The following PCP4 variants were observed in gnomAD, a reference collection of about 807,000 sequenced individuals.
PCP4 encodes calmodulin regulator protein PCP4.
Under a neutral mutation model 10.0 loss-of-function variants are expected in PCP4, and 8 were observed. That is an observed-to-expected ratio of 0.80 (90% CI 0.47 to 1.45). The LOEUF is 1.45. Ranked by LOEUF, PCP4 falls within the 40% of genes most tolerant of loss-of-function variation. The probability of loss-of-function intolerance (pLI) is 0.00; values close to 1 mark genes in which losing one functional copy is unlikely to be tolerated. For synonymous variants in PCP4, 21 were observed against 23.0 expected (o/e 0.91, Z 0.24); for missense variants, 54 against 74.4 (o/e 0.73, Z 1.01).
intron 1 of PCP4, chr21:39,883,683 C>G (rs2087386578): frequency 6.6e-6 from 1 of 152,114 alleles, no homozygotes; most frequent in Non-Finnish European, 1.5e-5. Context: ...GAAAAAGAAA[C>G]TGGTCAAATA....
chr21:39,905,756 TA>T (rs2087504138), intron 2 of PCP4, among the ~76,000 whole-genome samples: 2 of 152,066 alleles, frequency 1.3e-5, no homozygotes, highest in Admixed American at 6.6e-5. Flanking sequence ...TTGCATAGTT[TA>T]AAAAAATGTG....
chr21:39,897,703 T>C (rs190098144), intron 1 of PCP4, among the ~76,000 whole-genome samples: 7 of 152,154 alleles, frequency 4.6e-5, no homozygotes, highest in Non-Finnish European at 8.8e-5. Context: ...AAATAGTTTA[T>C]AAGTAGGAGG....
chr21:39,901,900 G>A (rs1434063109), intron 2 of PCP4, among the ~76,000 whole-genome samples: 1 of 152,092 alleles, frequency 6.6e-6, no homozygotes, highest in African/African-American at 2.4e-5. Context: ...AACTGGAACA[G>A]CCCAAGAAAG....
chr21:39,885,253 C>A (rs1416963810), intron 1 of PCP4, among the ~76,000 whole-genome samples: 7 of 152,190 alleles, frequency 4.6e-5, no homozygotes, highest in African/African-American at 1.2e-4. Context: ...CAAGCGCCAC[C>A]TGCTCCTGCT....
chr21:39,886,580 G>A (rs2276520), intron 1 of PCP4, among the ~76,000 whole-genome samples: 32,548 of 152,014 alleles, frequency 0.21, 3,937 homozygotes, highest in African/African-American at 0.32. Flanking sequence ...ACTCCAGCCT[G>A]GGCAACAAAA....
In PCP4 at chr21:39,925,123, C is replaced by T. The variant is rs150205366; in HGVS notation, c.62-3861C>T. On this transcript the variant is annotated intron_variant, in intron 2 of 2. Transcript: ENST00000328619. The stretch of plus-strand genomic sequence containing the variant: ...CCCATGAAACAGCAGTGCTCCCTGA[C>T]GTCATTCTCAGGTGCCAGGTTTCCC... Among the ~76,000 whole-genome samples, 334 of 152,306 alleles carry T rather than the reference C, an allele frequency of 2.2e-3. 1 individual carries two copies. The highest frequency in any genetic ancestry group is 7.4e-3 in the African/African-American group (309 of 41,564).
intron 1 of PCP4, among the ~76,000 whole-genome samples, chr21:39,872,338 T>C (rs2087324648): frequency 6.6e-6 from 1 of 152,184 alleles, no homozygotes; most frequent in African/African-American, 2.4e-5. Flanking sequence ...CTCTCAGTGT[T>C]TCATTAGAGA....
chr21:39,890,390 T>C (rs1018882595), intron 1 of PCP4, among the ~76,000 whole-genome samples: 1 of 152,126 alleles, frequency 6.6e-6, no homozygotes, highest in Non-Finnish European at 1.5e-5. Flanking sequence ...AGCCTCACTC[T>C]TGTTGCCCAG....
intron 1 of PCP4, among the ~76,000 whole-genome samples, chr21:39,897,554 G>A (rs1398183442): frequency 1.3e-5 from 2 of 152,090 alleles, no homozygotes; most frequent in African/African-American, 2.4e-5. Context: ...TACATGTGTG[G>A]TGCATTTCAC....
intron 2 of PCP4, among the ~76,000 whole-genome samples, chr21:39,902,314 T>G (rs958426885): frequency 2.0e-5 from 3 of 152,226 alleles, no homozygotes; most frequent in Admixed American, 1.3e-4. Context: ...GTAAATTTAG[T>G]TGAGGTCTCC....
In PCP4 at chr21:39,923,897, T is replaced by C. The variant is rs572688793; in HGVS notation, c.62-5087T>C. Among the ~76,000 whole-genome samples the C allele has an allele frequency of 6.4e-4, 98 of 152,352 alleles. 1 individual carries two copies. The highest frequency in any genetic ancestry group is 1.5e-3 in the African/African-American group (64 of 41,586). On this transcript the variant is annotated intron_variant, in intron 2 of 2. Coordinates refer to ENST00000328619, the MANE Select transcript of PCP4 (RefSeq NM_006198.3). ...AGCTAAGGAGAATGTCCTTTTGTAT[T>C]GTCTAAGCTTTACAGTGACATGACT...
At chr21:39,908,079 A>C (rs1601184430) in intron 2 of PCP4, among the ~76,000 whole-genome samples, 2 of 152,194 alleles carry the variant, frequency 1.3e-5, no homozygotes, top group African/African-American at 4.8e-5. Flanking sequence ...CAAAGTGGGA[A>C]TGATTTTTGT....
intron 1 of PCP4, among the ~76,000 whole-genome samples, chr21:39,895,416 A>G (rs1707617324): frequency 6.6e-6 from 1 of 152,246 alleles, no homozygotes; most frequent in Non-Finnish European, 1.5e-5. Context: ...GTGTTAATGA[A>G]GTCACATTTA....
intron 1 of PCP4, among the ~76,000 whole-genome samples, chr21:39,894,887 A>G (rs911674239): frequency 6.6e-6 from 1 of 152,314 alleles, no homozygotes; most frequent in East Asian, 1.9e-4. Context: ...GAGAAAAGGC[A>G]GCCTCTTCCC....
At chr21:39,895,500 C>G (rs1182701536) in intron 1 of PCP4, among the ~76,000 whole-genome samples, 1 of 152,236 alleles carries the variant, frequency 6.6e-6, no homozygotes, top group Non-Finnish European at 1.5e-5. Context: ...ATGCTGCACA[C>G]AGTACTGAGA....
intron 2 of PCP4, among the ~76,000 whole-genome samples, chr21:39,899,124 A>C (rs945987238): frequency 1.3e-5 from 2 of 152,180 alleles, no homozygotes; most frequent in African/African-American, 4.8e-5. Flanking sequence ...CAGGAAATGG[A>C]GGCTTGGCAT....
At chr21:39,870,082 G>C (rs553669158) in intron 1 of PCP4, among the ~76,000 whole-genome samples, 2 of 152,318 alleles carry the variant, frequency 1.3e-5, no homozygotes, top group African/African-American at 2.4e-5. Context: ...TATACTCCCC[G>C]GGGCCTGCTC....
intron 2 of PCP4, among the ~76,000 whole-genome samples, chr21:39,921,611 C>G (rs1479679246): frequency 6.6e-6 from 1 of 152,190 alleles, no homozygotes; most frequent in Non-Finnish European, 1.5e-5. Context: ...TATGTGGAAG[C>G]TCTAACCTCT....
intron 1 of PCP4, among the ~76,000 whole-genome samples, chr21:39,896,825 CTG>C (rs1479135922): frequency 2.0e-5 from 3 of 152,104 alleles, no homozygotes; most frequent in Admixed American, 6.6e-5. Context: ...TCAAAGGAAA[CTG>C]ATTGTTATTT....
Sources: allele counts gnomAD v4.1 joint callset (sites outside exome capture counted in the v4.1 genomes callset), GRCh38; gene constraint gnomAD v4.1.1; transcripts MANE v1.5; gene names NCBI Gene and HGNC (gene_info 2026-07-23, HGNC 2026-07-21).